The following IL22RA2 variants were observed in gnomAD, a reference collection of about 807,000 sequenced individuals.
IL22RA2 encodes interleukin 22 receptor subunit alpha 2.
In IL22RA2, 39 loss-of-function variants were observed where a neutral mutation model predicts 30.7. The observed-to-expected ratio is 1.27, with a 90% CI of 0.98 to 1.66. The LOEUF is 1.66. Among genes scored for constraint, IL22RA2 ranks in the 40% most tolerant of loss-of-function variants. The pLI is 0.00. For synonymous variants in IL22RA2, 103 were observed against 105.0 expected (o/e 0.98, Z 0.11); for missense variants, 315 against 312.7 (o/e 1.01, Z -0.05).
At chr6:137,159,684 G>T (rs764042247) in intron 2 of IL22RA2, among the ~76,000 whole-genome samples, 1 of 152,128 alleles carries the variant, frequency 6.6e-6, no homozygotes, top group Non-Finnish European at 1.5e-5. Flanking sequence ...CCCTGTGTTT[G>T]CAGTGTTGAC....
chr6:137,145,351 T>C lies in IL22RA2; in HGVS notation c.*273A>G. 1 of 274,734 alleles carries C rather than the reference T, an allele frequency of 3.6e-6. No individual in the cohort carries two copies. Among genetic ancestry groups the C allele is most frequent in the Non-Finnish European group, 6.7e-6 (1 of 148,632 alleles). 17.0% of individuals were successfully genotyped at this position (274,734 alleles called of 1,614,324 possible). A position where few individuals can be genotyped will look rare whatever the true frequency, so the allele number is the denominator to read the frequency against. The stretch of plus-strand genomic sequence containing the variant: ...GAAGGTTGTTATTAGGGATGTTACA[T>C]TCAGAAATAAAGTTCTGAATTTCAT... On this transcript the variant is annotated 3_prime_UTR_variant, in exon 7 of 7. Transcript: ENST00000296980.
intron 5 of IL22RA2, among the ~76,000 whole-genome samples, chr6:137,152,527 T>A (rs140584492): frequency 1.3e-4 from 20 of 152,250 alleles, no homozygotes; most frequent in African/African-American, 4.3e-4. Context: ...GAAAGATTAG[T>A]AGTTGCCGGG....
intron 5 of IL22RA2, among the ~76,000 whole-genome samples, chr6:137,151,418 A>T (rs1366415814): frequency 4.6e-5 from 7 of 152,238 alleles, no homozygotes; most frequent in African/African-American, 7.2e-5. Flanking sequence ...ACTCAAAATG[A>T]ATCAGACTTA....
At chr6:137,155,457 G>T (rs1778384475) in intron 4 of IL22RA2, among the ~76,000 whole-genome samples, 1 of 151,656 alleles carries the variant, frequency 6.6e-6, no homozygotes, top group Admixed American at 6.6e-5. Context: ...GAGACTTAAG[G>T]TGACAGAGGA....
chr6:137,145,821 G>C (rs769024488), intron 6 of IL22RA2, 48 bp from the exon 7 acceptor site: 1 of 1,603,076 alleles, frequency 6.2e-7, no homozygotes, highest in East Asian at 2.2e-5. Flanking sequence ...CTGCCATTAA[G>C]TCACAGCTGC....
intron 2 of IL22RA2, among the ~76,000 whole-genome samples, chr6:137,158,954 T>A (rs188099678): frequency 2.6e-5 from 4 of 152,278 alleles, no homozygotes; most frequent in Non-Finnish European, 5.9e-5. Flanking sequence ...AGGTTCTTGC[T>A]CAATCTCTGG....
At position 137,162,971 on chromosome 6, in the gene IL22RA2, A is replaced by AC. The variant is rs541808451; in HGVS notation, c.-65-1158dup. ...CCTCTTAAAGTTGCTGCAAAGTGTG[A>AC]CCCCCCACCTTACACTCAAGTTAAA... On this transcript the variant is annotated intron_variant, in intron 1 of 6. Transcript: ENST00000296980. Among the ~76,000 whole-genome samples, 27 of 151,932 alleles carry AC rather than the reference A, an allele frequency of 1.8e-4. 1 individual carries two copies. The South Asian group carries it at 3.5e-3, about 20-fold the overall frequency.
intron 1 of IL22RA2, among the ~76,000 whole-genome samples, chr6:137,172,168 C>T (rs1778748145): frequency 1.3e-5 from 2 of 152,154 alleles, no homozygotes; most frequent in South Asian, 4.2e-4. Context: ...CACCAAATTG[C>T]TCCAAGTTCC....
chr6:137,164,737 C>G (rs760388674), intron 1 of IL22RA2, among the ~76,000 whole-genome samples: 1 of 152,160 alleles, frequency 6.6e-6, no homozygotes, highest in African/African-American at 2.4e-5. Context: ...TCGGTCCGTG[C>G]CCAAGCAATG....
At chr6:137,170,774 G>A (rs1248291682) in intron 1 of IL22RA2, among the ~76,000 whole-genome samples, 1 of 151,986 alleles carries the variant, frequency 6.6e-6, no homozygotes, top group Non-Finnish European at 1.5e-5. Flanking sequence ...GATTCAGAAG[G>A]GATGTATATG....
At position 137,147,768 on chromosome 6, in the gene IL22RA2, T is replaced by C. The variant is rs531430443; in HGVS notation, c.596A>G (p.Tyr199Cys). Reference sequence around the variant, plus strand: ...TATAAAAACTCGGTATAGTAGTTCATAGTAATCTTCTATAGATACATTTTT... The same window carrying C: ...TATAAAAACTCGGTATAGTAGTTCACAGTAATCTTCTATAGATACATTTTT... The part of the protein sequence containing the change: ...KEKNVSIEDY[Y>C]ELLYRVFIIN... Residue 199 changes from tyrosine to cysteine, a missense_variant, in exon 6 of 7, where the codon TAT becomes TGT. Physicochemically the swap from Tyr to Cys is radical, Grantham distance 194. Transcript: ENST00000296980. 38 of 1,598,258 alleles carry C rather than the reference T, an allele frequency of 2.4e-5. No individual in the cohort carries two copies. Among genetic ancestry groups the C allele is most frequent in the Non-Finnish European group, 3.2e-5 (37 of 1,166,730 alleles).
Position 137,158,624 on chromosome 6 carries a change from TCAA to T in IL22RA2, c.62-145_62-143del, listed in dbSNP as rs959970249. 5.1e-6 allele frequency: 4 copies of T among 776,866 alleles called. No individual in the cohort carries two copies. In the Admixed American group the frequency reaches 9.9e-5, roughly 19 times the overall value. The allele number at this position is 776,866 out of a possible 1,614,324, so 48.1% of individuals were successfully genotyped here. A position where few individuals can be genotyped will look rare whatever the true frequency, so the allele number is the denominator to read the frequency against. ...AGATAGTAGAGGTGGAGCCCAGAAA[TCAA>T]CATTTTGAATCTTCAATGCAATGAT... On this transcript the variant is annotated intron_variant, in intron 2 of 6. Coordinates refer to ENST00000296980, the MANE Select transcript of IL22RA2 (RefSeq NM_052962.3).
intron 1 of IL22RA2, among the ~76,000 whole-genome samples, chr6:137,162,455 A>G (rs1778538939): frequency 6.6e-6 from 1 of 152,096 alleles, no homozygotes; most frequent in East Asian, 1.9e-4. Flanking sequence ...CCCAGTTTCC[A>G]GTGAGCTGGA....
At chr6:137,147,978 T>C in intron 5 of IL22RA2, 87 bp from the exon 6 acceptor site, 1 of 1,257,706 alleles carries the variant, frequency 8.0e-7, no homozygotes, top group Non-Finnish European at 1.1e-6. Flanking sequence ...ATCAGCATGG[T>C]GGGAGGATCA....
chr6:137,146,988 C>A (rs1168269224), intron 6 of IL22RA2, among the ~76,000 whole-genome samples: 1 of 148,338 alleles, frequency 6.7e-6, no homozygotes, highest in Non-Finnish European at 1.5e-5. Context: ...AGAGTCAGAC[C>A]CTGTCTCAAA....
At chr6:137,152,936 C>T (rs1313931141) in intron 5 of IL22RA2, among the ~76,000 whole-genome samples, 1 of 152,134 alleles carries the variant, frequency 6.6e-6, no homozygotes, top group African/African-American at 2.4e-5. Flanking sequence ...TAGTATAGTG[C>T]CATATTCCAG....
chr6:137,156,943 C>T, intron 3 of IL22RA2, 89 bp from the exon 4 acceptor site: 2 of 1,526,174 alleles, frequency 1.3e-6, no homozygotes, highest in Admixed American at 1.8e-5. Context: ...CTCATAGAAA[C>T]ATTTCCATGA....
chr6:137,167,209 T>C (rs1778643083), intron 1 of IL22RA2, among the ~76,000 whole-genome samples: 1 of 152,216 alleles, frequency 6.6e-6, no homozygotes, highest in African/African-American at 2.4e-5. Context: ...ATACAGCTTA[T>C]CACCCATAGA....
intron 1 of IL22RA2, among the ~76,000 whole-genome samples, chr6:137,170,122 A>G (rs1382234992): frequency 6.6e-6 from 1 of 152,186 alleles, no homozygotes; most frequent in Admixed American, 6.5e-5. Flanking sequence ...CAGACATACC[A>G]CCATCCGAAT....
Sources: allele counts gnomAD v4.1 joint callset (sites outside exome capture counted in the v4.1 genomes callset), GRCh38; gene constraint gnomAD v4.1.1; transcripts MANE v1.5; gene names NCBI Gene and HGNC (gene_info 2026-07-23, HGNC 2026-07-21).